LRRIQ1: variants seen among roughly 807,000 people sequenced by gnomAD.
The protein encoded by LRRIQ1 is leucine rich repeats and IQ motif containing 1.
A neutral mutation model predicts 211.9 loss-of-function variants in LRRIQ1; 210 were observed. The ratio of observed to expected loss-of-function variants is 0.99; its 90% confidence interval spans 0.89 to 1.11. The LOEUF is 1.11. Ranked by LOEUF, LRRIQ1 falls within the 50% of genes most tolerant of loss-of-function variation. The pLI is 0.00. For synonymous variants in LRRIQ1, 699 were observed against 650.1 expected (o/e 1.08, Z -1.14); for missense variants, 2,136 against 1,939.5 (o/e 1.10, Z -1.90).
chr12:85,266,615 C>T (rs1896426654), downstream of LRRIQ1, among the ~76,000 whole-genome samples: 1 of 152,060 alleles, frequency 6.6e-6, no homozygotes, highest in Non-Finnish European at 1.5e-5. Flanking sequence ...AAGTAAGTTT[C>T]GAGAGCCCTC....
chr12:85,219,451 A>G (rs1333054644), intron 24 of LRRIQ1, among the ~76,000 whole-genome samples: 2 of 152,148 alleles, frequency 1.3e-5, no homozygotes, highest in East Asian at 3.8e-4. Context: ...TCCATGATAT[A>G]ATTTAATAAC....
chr12:85,247,250 C>A (rs1895755017), downstream of LRRIQ1, among the ~76,000 whole-genome samples: 1 of 151,604 alleles, frequency 6.6e-6, no homozygotes. Flanking sequence ...CCTGGGTCAA[C>A]CAGTTAACAG....
Position 85,056,484 on chromosome 12 carries a change from G to A in LRRIQ1, c.1691G>A (p.Ser564Asn), listed in dbSNP as rs762937434. The change falls in exon 8 of 27, where the codon AGT becomes AAT. Residue 564 changes from serine to asparagine, a missense_variant. Coordinates refer to ENST00000393217, the MANE Select transcript of LRRIQ1 (RefSeq NM_001079910.2). ...ATATTAGGACATAACCAAGAAATCA[G>A]TGAGGTGAAAACCAATGAAGAGCAG... is the stretch of plus-strand genomic sequence containing the variant. ...QIILGHNQEI[S>N]EVKTNEEQKI... The A allele has an allele frequency of 1.1e-5, 17 of 1,611,218 alleles. No individual in the cohort carries two copies. The highest frequency in any genetic ancestry group is 8.9e-5 in the East Asian group (4 of 44,706).
At chr12:85,174,218 T>TAAGA (rs1891568125) in intron 24 of LRRIQ1, among the ~76,000 whole-genome samples, 1 of 151,664 alleles carries the variant, frequency 6.6e-6, no homozygotes. Context: ...GATGCTATAA[T>TAAGA]AAGAAAGAGG....
chr12:85,173,376 TAGTGA>T (rs1891513702), intron 24 of LRRIQ1, among the ~76,000 whole-genome samples: 2 of 152,204 alleles, frequency 1.3e-5, no homozygotes, highest in African/African-American at 4.8e-5. Context: ...ATATGTGTCC[TAGTGA>T]GCTCATGCTC....
chr12:85,052,517 A>G (rs1379246396), intron 7 of LRRIQ1, among the ~76,000 whole-genome samples: 1 of 152,064 alleles, frequency 6.6e-6, no homozygotes, highest in Non-Finnish European at 1.5e-5. Context: ...TACCATTTTG[A>G]ATATTTCTTT....
intron 24 of LRRIQ1, among the ~76,000 whole-genome samples, chr12:85,171,213 C>T (rs139949301): frequency 7.4e-4 from 112 of 152,172 alleles, no homozygotes; most frequent in East Asian, 3.7e-3. Flanking sequence ...CTTAAAACCA[C>T]GACTGAACTT....
In LRRIQ1 at chr12:85,065,297, T is replaced by C. The variant is rs1217714840; in HGVS notation, c.2427T>C (p.Cys809=). The change falls in exon 9 of 27, where the codon TGT becomes TGC. Residue 809 remains cysteine (C), a synonymous_variant. Transcript: ENST00000393217. The part of the protein sequence containing the change: ...TTVTFQDLPG[C]VLSTLAECTN... The stretch of plus-strand genomic sequence containing the variant: ...TTACATTTCAAGATTTGCCAGGCTG[T>C]GTTCTCTCCACACTGGCAGAGTGTA... 2.5e-6 allele frequency: 4 copies of C among 1,610,468 alleles called. No homozygotes were observed. The highest frequency in any genetic ancestry group is 2.5e-6 in the Non-Finnish European group (3 of 1,177,802).
intron 13 of LRRIQ1, among the ~76,000 whole-genome samples, chr12:85,100,656 G>A (rs1886283102): frequency 6.6e-6 from 1 of 151,640 alleles, no homozygotes; most frequent in Non-Finnish European, 1.5e-5. Context: ...TACTGTCACT[G>A]ATACTGGAAT....
At chr12:85,191,452 G>A (rs1192543922) in intron 24 of LRRIQ1, among the ~76,000 whole-genome samples, 5 of 151,840 alleles carry the variant, frequency 3.3e-5, no homozygotes, top group Non-Finnish European at 5.9e-5. Context: ...CTTTCACTTA[G>A]TAACATGCTT....
At chr12:85,174,701 C>CAAAAAAAAAAAAAAAAAAA (rs71076115) in intron 24 of LRRIQ1, among the ~76,000 whole-genome samples, 410 of 21,518 alleles carry the variant, frequency 0.019, 52 homozygotes, top group Non-Finnish European at 0.024. Context: ...GAGTACAGCT[C>CAAAAAAAAAAAAAAAAAAA]AAAAAAAAAA....
At chr12:85,079,533 C>G (rs1243158102) in intron 11 of LRRIQ1, among the ~76,000 whole-genome samples, 2 of 151,942 alleles carry the variant, frequency 1.3e-5, no homozygotes, top group African/African-American at 4.8e-5. Context: ...CAGCCTCTAT[C>G]TTTTTACTTA....
At chr12:85,107,064 T>G (rs1886832629) in intron 15 of LRRIQ1, among the ~76,000 whole-genome samples, 1 of 152,134 alleles carries the variant, frequency 6.6e-6, no homozygotes, top group Admixed American at 6.6e-5. Context: ...ATATTTAAAT[T>G]CTTGCTCCTC....
intron 11 of LRRIQ1, among the ~76,000 whole-genome samples, chr12:85,075,936 G>A (rs981826667): frequency 2.0e-5 from 3 of 151,958 alleles, no homozygotes; most frequent in Non-Finnish European, 4.4e-5. Flanking sequence ...AAATTACACA[G>A]CTAGTAAATG....
intron 13 of LRRIQ1, among the ~76,000 whole-genome samples, chr12:85,099,776 A>G (rs1226864008): frequency 1.3e-5 from 2 of 151,766 alleles, no homozygotes; most frequent in East Asian, 1.9e-4. Flanking sequence ...ATATATACCT[A>G]TTTTCCCCCA....
intron 8 of LRRIQ1, among the ~76,000 whole-genome samples, chr12:85,062,076 T>TA (rs1186254811): frequency 6.6e-6 from 1 of 151,896 alleles, no homozygotes; most frequent in African/African-American, 2.4e-5. Flanking sequence ...AAAGAGGAGT[T>TA]ACTGCATTCT....
intron 15 of LRRIQ1, among the ~76,000 whole-genome samples, chr12:85,107,901 C>G (rs1294652188): frequency 6.6e-6 from 1 of 152,004 alleles, no homozygotes; most frequent in South Asian, 2.1e-4. Flanking sequence ...TTTGTAATTT[C>G]TCTTCTAATC....
intron 10 of LRRIQ1, among the ~76,000 whole-genome samples, chr12:85,071,315 A>G (rs1490248347): frequency 6.6e-6 from 1 of 151,970 alleles, no homozygotes; most frequent in Non-Finnish European, 1.5e-5. Flanking sequence ...GCATATTTTA[A>G]GTACTGTTCT....
chr12:85,095,709 A>G (rs1885807651), intron 11 of LRRIQ1, among the ~76,000 whole-genome samples: 1 of 152,108 alleles, frequency 6.6e-6, no homozygotes, highest in African/African-American at 2.4e-5. Context: ...GCTTAAGTAG[A>G]TCTGGTGCCA....
Sources: gnomAD v4.1 joint callset for allele counts (sites outside exome capture counted in the v4.1 genomes callset) on GRCh38, gnomAD v4.1.1 for gene constraint, MANE v1.5 for transcripts, NCBI Gene and HGNC (gene_info 2026-07-23, HGNC 2026-07-21) for gene names.